SETD1A: variants seen among roughly 807,000 people sequenced by gnomAD.
SETD1A encodes the protein histone-lysine N-methyltransferase SETD1A.
In SETD1A, 29 loss-of-function variants were observed where a neutral mutation model predicts 149.9. The observed-to-expected ratio is 0.19, with a 90% CI of 0.14 to 0.26. The LOEUF is 0.26. Ranked by LOEUF, SETD1A falls within the 10% of genes least tolerant of loss-of-function variation. The pLI is 1.00. For missense variants in SETD1A, 2,109 were observed against 2,353.1 expected (o/e 0.90, Z 2.15); for synonymous variants, 1,141 against 968.5 (o/e 1.18, Z -3.31).
At position 30,979,223 on chromosome 16, in the gene SETD1A, G is replaced by T. The variant is rs778135870; in HGVS notation, c.3437G>T (p.Arg1146Leu). ...GCTGGGCCCCCGGCCCCTGCCCCAC[G>T]CCCCGATGAGCGTCCCTCTTCTCCC... Reference protein sequence around the residue: ...PPAGPPAPAPRPDERPSSPIP... With the variant: ...PPAGPPAPAPLPDERPSSPIP... Residue 1146 changes from arginine (R) to leucine (L), a missense_variant, in exon 14 of 19, where the codon CGC (arginine) becomes CTC (leucine). Physicochemically the swap from Arg to Leu is moderately radical, Grantham distance 102. Transcript: ENST00000262519. 32 of 1,045,192 alleles carry T rather than the reference G, an allele frequency of 3.1e-5. No individual in the cohort carries two copies. Among genetic ancestry groups the T allele is most frequent in the Non-Finnish European group, 3.8e-5 (30 of 781,732 alleles). 64.7% of individuals were successfully genotyped at this position (1,045,192 alleles called of 1,614,324 possible).
At chr16:30,960,716 T>A (rs1432222342) in intron 3 of SETD1A, among the ~76,000 whole-genome samples, 1 of 101,404 alleles carries the variant, frequency 9.9e-6, no homozygotes, top group African/African-American at 2.8e-5. Context: ...GTGTGTACAT[T>A]TCTTTCTTTC....
intron 3 of SETD1A, 70 bp downstream of exon 3, chr16:30,959,256 C>A: frequency 9.9e-7 from 1 of 1,006,828 alleles, no homozygotes; most frequent in Non-Finnish European, 1.6e-6. Context: ...GGCACTATAG[C>A]TGAATAAAAG....
At chr16:30,982,039 G>A (rs2056385858) in intron 17 of SETD1A, among the ~76,000 whole-genome samples, 1 of 152,174 alleles carries the variant, frequency 6.6e-6, no homozygotes. Flanking sequence ...ACACACACCT[G>A]GGGGGCCTAA....
chr16:30,981,039 G>T, intron 16 of SETD1A, 22 bp from the exon 17 acceptor site: 1 of 1,613,690 alleles, frequency 6.2e-7, no homozygotes, highest in Non-Finnish European at 8.5e-7. Flanking sequence ...TCTGGCAGTT[G>T]AGTCTCCCTT....
In SETD1A at chr16:30,979,835, A is replaced by C. The variant is rs771901300; in HGVS notation, c.4049A>C (p.Lys1350Thr). The C allele has an allele frequency of 8.4e-6, 13 of 1,550,634 alleles. No homozygotes were observed. In the East Asian group the frequency reaches 3.1e-4, roughly 37 times the overall value. The change falls in exon 14 of 19, where the codon AAG becomes ACG. Residue 1350 changes from lysine to threonine, a missense_variant. Physicochemically the swap from Lys to Thr is moderately conservative, Grantham distance 78 (BLOSUM62 -1). Transcript: ENST00000262519. ...EVVVAEAEEP[K>T]PQQLQQQREE... is the part of the protein sequence containing the mutation. ...GTGGTGGCTGAGGCGGAGGAGCCCA[A>C]GCCGCAGCAACTGCAGCAGCAGCGG...
In SETD1A at chr16:30,965,321, G is replaced by A. The variant is rs564404129; in HGVS notation, c.1579G>A (p.Gly527Arg). Reference protein sequence around the residue: ...SSMVLGARDTGSEVPSGSGHG... With the variant: ...SSMVLGARDTRSEVPSGSGHG... ...CATGGTCCTTGGGGCCAGAGATACA[G>A]GGAGTGAGGTGCCTTCTGGGTCAGG... Residue 527 changes from glycine (G) to arginine (R), a missense_variant, in exon 7 of 19, where the codon GGG becomes AGG. Around this residue, in one of 8 missense-constraint regions of SETD1A, gnomAD observed 431 missense variants for 388.6 expected, o/e 1.11. Transcript: ENST00000262519. 6.2e-7 allele frequency: 1 copy of A among 1,614,242 alleles called. No homozygotes were observed. Among genetic ancestry groups the A allele is most frequent in the Admixed American group, 1.7e-5 (1 of 60,032 alleles).
rs370157586 is a variant in SETD1A at position 30,971,625 on chromosome 16, G to T, written c.3264G>T (p.Thr1088=). Residue 1088 remains threonine, a synonymous_variant, in exon 13 of 19, where the codon ACG becomes ACT. Coordinates refer to ENST00000262519, the MANE Select transcript of SETD1A (RefSeq NM_014712.3). ...CCCCCAGAGAAGTCCCAGTGCCCAC[G>T]CCAGCACCTGTGGAGGTGCCAGTGC... ...SPPPREVPVP[T]PAPVEVPVPE... is the part of the protein sequence containing the mutation. 4 of 1,613,534 alleles carry T rather than the reference G, an allele frequency of 2.5e-6. No homozygotes were observed. Among genetic ancestry groups the T allele is most frequent in the Non-Finnish European group, 3.4e-6 (4 of 1,179,758 alleles).
In SETD1A at chr16:30,974,410, G is replaced by A. The variant is rs934388518; in HGVS notation, c.3358+2691G>A. Among the ~76,000 whole-genome samples, 3 of 152,050 alleles carry A rather than the reference G, an allele frequency of 2.0e-5. 1 individual carries two copies. Among genetic ancestry groups the A allele is most frequent in the Non-Finnish European group, 4.4e-5 (3 of 68,010 alleles). On this transcript the variant is annotated intron_variant, in intron 13 of 18. Transcript: ENST00000262519. Reference sequence around the variant, plus strand: ...GTAGGCGAGTGGGGGGAGAGAAAGGGCAGAGCCTTCCCATCCTGTGAGAGC... The same window carrying A: ...GTAGGCGAGTGGGGGGAGAGAAAGGACAGAGCCTTCCCATCCTGTGAGAGC...
At position 30,980,401 on chromosome 16, in the gene SETD1A, C is replaced by G. The variant is rs980306926; in HGVS notation, c.4409-84C>G. On this transcript the variant is annotated intron_variant, in intron 14 of 18. Coordinates refer to ENST00000262519, the MANE Select transcript of SETD1A (RefSeq NM_014712.3). The surrounding 1 kb of genome is among the most constrained non-coding windows in gnomAD (Gnocchi z 7.7). ...CTCCCCTGTCCCTCACCTGGGTATG[C>G]TCAGCGGCGTGGGCCCCGCCCTCTC... The G allele has an allele frequency of 6.6e-6, 10 of 1,519,266 alleles. No individual in the cohort carries two copies. In the African/African-American group the frequency reaches 1.2e-4, roughly 19 times the overall value. 94.1% of individuals were successfully genotyped at this position (1,519,266 alleles called of 1,614,324 possible). A position where few individuals can be genotyped will look rare whatever the true frequency, so the allele number is the denominator to read the frequency against.
intron 5 of SETD1A, 68 bp from the exon 6 acceptor site, chr16:30,964,026 G>T: frequency 1.6e-6 from 2 of 1,213,636 alleles, no homozygotes; most frequent in South Asian, 1.3e-5. Context: ...TTCCTGGTTT[G>T]GGAAAGGGCA....
chr16:30,984,121 T>C lies in SETD1A; in HGVS notation c.*98T>C, dbSNP rs568953488. On this transcript the variant is annotated 3_prime_UTR_variant, in exon 19 of 19. Coordinates refer to ENST00000262519, the MANE Select transcript of SETD1A (RefSeq NM_014712.3). ...CTTAGTGGGCTCAGCAGGGCCCACA[T>C]GCCCCCATCTCCAAGCGTGGGGTTG... 21 of 1,150,344 alleles carry C rather than the reference T, an allele frequency of 1.8e-5. No homozygotes were observed. The highest frequency in any genetic ancestry group is 3.1e-5 in the African/African-American group (2 of 64,264). The allele number at this position is 1,150,344 out of a possible 1,614,324, so 71.3% of individuals were successfully genotyped here. A position where few individuals can be genotyped will look rare whatever the true frequency, so the allele number is the denominator to read the frequency against.
At chr16:30,976,059 GT>G (rs67517081) in intron 13 of SETD1A, among the ~76,000 whole-genome samples, 94,294 of 151,716 alleles carry the variant, frequency 0.62, 29,824 homozygotes, top group East Asian at 0.91. Flanking sequence ...TTTTGACCCT[GT>G]TGCTGTAGGA....
chr16:30,967,906 C>G (rs1408482661), intron 10 of SETD1A, among the ~76,000 whole-genome samples: 1 of 152,094 alleles, frequency 6.6e-6, no homozygotes, highest in Admixed American at 6.6e-5. Flanking sequence ...ATGCTAATGC[C>G]CTCCTACCAC....
intron 13 of SETD1A, among the ~76,000 whole-genome samples, chr16:30,974,741 T>C (rs955995471): frequency 6.6e-6 from 1 of 152,134 alleles, no homozygotes; most frequent in Non-Finnish European, 1.5e-5. Context: ...GCGCAGTGGC[T>C]CACACCTGTA....
At chr16:30,967,124 G>C in intron 9 of SETD1A, 64 bp downstream of exon 9, 6 of 1,231,534 alleles carry the variant, frequency 4.9e-6, no homozygotes, top group Non-Finnish European at 6.7e-6. Context: ...CCTTCCTTGG[G>C]GTAGGGGTGG....
rs767998826 is a variant in SETD1A, at chr16:30,981,058, C to A, written c.4693-3C>A. On this transcript the variant is annotated splice_region_variant and splice_polypyrimidine_tract_variant and intron_variant, in intron 16 of 18. Coordinates refer to ENST00000262519, the MANE Select transcript of SETD1A (RefSeq NM_014712.3). ...GCAGTTGAGTCTCCCTTCTGCCCCC[C>A]AGTTCCGGAAGAAGAAGCTCCGATT... The A allele has an allele frequency of 6.2e-6, 10 of 1,613,978 alleles. No individual in the cohort carries two copies. In the African/African-American group the frequency reaches 1.2e-4, roughly 19 times the overall value.
intron 6 of SETD1A, 24 bp downstream of exon 6, chr16:30,964,347 G>A (rs1202054509): frequency 6.3e-7 from 1 of 1,577,182 alleles, no homozygotes; most frequent in Non-Finnish European, 8.7e-7. Context: ...CCCGCCTGGG[G>A]CCCCGCCCGC....
At chr16:30,959,210 T>G in intron 3 of SETD1A, 24 bp downstream of exon 3, 2 of 1,454,134 alleles carry the variant, frequency 1.4e-6, no homozygotes, top group Non-Finnish European at 1.9e-6. Context: ...GGGCTCCTGG[T>G]GTGGTAGTCC....
intron 13 of SETD1A, among the ~76,000 whole-genome samples, chr16:30,974,457 G>C (rs1166392933): frequency 6.6e-6 from 1 of 152,176 alleles, no homozygotes; most frequent in East Asian, 1.9e-4. Context: ...AGGGCCCGAG[G>C]AGGCTGAGAG....
Sources: gnomAD v4.1 joint callset for allele counts (sites outside exome capture counted in the v4.1 genomes callset) on GRCh38, gnomAD v4.1.1 for gene constraint, gnomAD v4.1.1 regional missense constraint, Gnocchi (gnomAD v3.1) non-coding constraint, MANE v1.5 for transcripts, NCBI Gene and HGNC (gene_info 2026-07-23, HGNC 2026-07-21) for gene names.